MID1: variants seen among roughly 807,000 people sequenced by gnomAD.
MID1 encodes the protein E3 ubiquitin-protein ligase Midline-1.
A neutral mutation model predicts 40.4 loss-of-function variants in MID1; 7 were observed. That is an observed-to-expected ratio of 0.17 (90% CI 0.10 to 0.33). The LOEUF (loss-of-function observed/expected upper bound fraction) is 0.33, where lower values mean the gene tolerates loss of function less well. Among genes scored for constraint, MID1 ranks in the 10% least tolerant of loss-of-function variants. The pLI is 1.00. For missense variants in MID1, 367 were observed against 558.5 expected (o/e 0.66, Z 3.46); for synonymous variants, 229 against 221.2 (o/e 1.04, Z -0.31).
intron 1 of MID1, among the ~76,000 whole-genome samples, chrX:10,810,107 G>A (rs2044086424): frequency 9.0e-6 from 1 of 110,942 alleles, no homozygotes; most frequent in South Asian, 3.8e-4. Context: ...CCATCATTAG[G>A]TACTTCTGGA....
intron 1 of MID1, among the ~76,000 whole-genome samples, chrX:10,685,817 G>A (rs760208110): frequency 1.9e-4 from 21 of 108,462 alleles, no homozygotes; most frequent in Admixed American, 1.0e-3. Flanking sequence ...TGTCTTTTGT[G>A]AGTTGATTTT....
intron 1 of MID1, among the ~76,000 whole-genome samples, chrX:10,783,958 C>T (rs2147134262): frequency 9.0e-6 from 1 of 110,534 alleles, no homozygotes; most frequent in Non-Finnish European, 1.9e-5. Context: ...TTCCCATCAA[C>T]TGGATGAAAA....
chrX:10,707,130 AC>A (rs1254227176), intron 1 of MID1, among the ~76,000 whole-genome samples: 1 of 111,781 alleles, frequency 8.9e-6, no homozygotes, highest in Non-Finnish European at 1.9e-5. Context: ...AATTTACACA[AC>A]AAAAATTTTA....
At chrX:10,747,064 G>A (rs1050560445) in intron 1 of MID1, among the ~76,000 whole-genome samples, 1 of 111,101 alleles carries the variant, frequency 9.0e-6, no homozygotes, top group African/African-American at 3.3e-5. Context: ...CACAGCCAAC[G>A]CTGTTGATAC....
rs1042841097 is a variant in MID1, at chrX:10,446,971, A to C, written c.*2397T>G. ...TAAAGAGAATGCAAAATTACACTGCAGCAAATTTTTACAGCATACATTTTT... is the reference window on the plus strand; with the variant it reads ...TAAAGAGAATGCAAAATTACACTGCCGCAAATTTTTACAGCATACATTTTT... On this transcript the variant is annotated 3_prime_UTR_variant, in exon 10 of 10. Coordinates refer to ENST00000317552, the MANE Select transcript of MID1 (RefSeq NM_000381.4). 2 of 111,939 alleles carry C rather than the reference A, an allele frequency of 1.8e-5. No homozygotes were observed. Among genetic ancestry groups the C allele is most frequent in the African/African-American group, 6.6e-5 (2 of 30,470 alleles). 9.2% of individuals were successfully genotyped at this position (111,939 alleles called of 1,213,427 possible).
At chrX:10,660,485 G>T (rs986929895) in intron 1 of MID1, among the ~76,000 whole-genome samples, 1 of 112,168 alleles carries the variant, frequency 8.9e-6, no homozygotes, top group Non-Finnish European at 1.9e-5. Context: ...TCACTCCCTG[G>T]GTGCTGTGAA....
intron 1 of MID1, among the ~76,000 whole-genome samples, chrX:10,783,315 A>AT (rs956188741): frequency 3.6e-5 from 4 of 111,487 alleles, no homozygotes; most frequent in African/African-American, 1.3e-4. Context: ...AAATTTATCC[A>AT]TTTTTTAATG....
chrX:10,519,785 T>C (rs1932618869), intron 3 of MID1, among the ~76,000 whole-genome samples: 2 of 112,115 alleles, frequency 1.8e-5, no homozygotes, highest in Non-Finnish European at 3.8e-5. Flanking sequence ...TCTGTCTCCC[T>C]GGATATTATC....
rs1555905154 is a variant in MID1, at chrX:10,566,981, G to C, written c.567C>G (p.Thr189=). ...ACAAGGCACAGATTAACTGGTCATC[G>C]GTCACACAGTACATATTCACCTTCT... ...EDEKVNMYCV[T]DDQLICALCK... The change falls in exon 2 of 10, where the codon ACC becomes ACG. Residue 189 remains threonine, a synonymous_variant. Coordinates refer to ENST00000317552, the MANE Select transcript of MID1 (RefSeq NM_000381.4). The C allele has an allele frequency of 1.1e-5, 13 of 1,211,496 alleles. No individual in the cohort carries two copies. The highest frequency in any genetic ancestry group is 5.6e-6 in the Non-Finnish European group (5 of 895,396).
At chrX:10,655,173 G>A (rs1277658502) in intron 1 of MID1, among the ~76,000 whole-genome samples, 1 of 111,462 alleles carries the variant, frequency 9.0e-6, no homozygotes, top group Admixed American at 9.5e-5. Context: ...AAAAATGAAA[G>A]AGAAAACCAA....
chrX:10,516,188 C>CTTTTTT (rs1191096522), intron 3 of MID1, among the ~76,000 whole-genome samples: 19 of 71,462 alleles, frequency 2.7e-4, no homozygotes, highest in African/African-American at 7.3e-4. Flanking sequence ...TGAAGTTGCT[C>CTTTTTT]TTTTTTTTTT....
At chrX:10,534,276 T>G (rs561756574) in intron 2 of MID1, among the ~76,000 whole-genome samples, 7 of 112,172 alleles carry the variant, frequency 6.2e-5, no homozygotes, top group Non-Finnish European at 9.4e-5. Context: ...GGGTTTTAAC[T>G]GATACCATCA....
At chrX:10,649,159 C>A (rs1011994704) in intron 1 of MID1, among the ~76,000 whole-genome samples, 1 of 111,703 alleles carries the variant, frequency 9.0e-6, no homozygotes, top group Non-Finnish European at 1.9e-5. Flanking sequence ...GGCAAATTTT[C>A]TCCATAGAAG....
intron 1 of MID1, among the ~76,000 whole-genome samples, chrX:10,768,522 A>G (rs950810852): frequency 8.9e-6 from 1 of 111,911 alleles, no homozygotes; most frequent in Non-Finnish European, 1.9e-5. Flanking sequence ...CCAAAGTCAC[A>G]TGATTTCTGG....
chrX:10,462,992 G>GA (rs1445448283), intron 7 of MID1, among the ~76,000 whole-genome samples: 3 of 111,888 alleles, frequency 2.7e-5, no homozygotes, highest in Non-Finnish European at 1.9e-5. Context: ...ATTAAGGCTT[G>GA]AAAAAAATGC....
intron 3 of MID1, among the ~76,000 whole-genome samples, chrX:10,517,893 T>C (rs761882360): frequency 1.8e-5 from 2 of 112,274 alleles, no homozygotes; most frequent in Non-Finnish European, 3.8e-5. Flanking sequence ...TTCATGGTAA[T>C]TATGGCTTTC....
intron 3 of MID1, among the ~76,000 whole-genome samples, chrX:10,503,596 A>G: frequency 8.9e-6 from 1 of 112,850 alleles, no homozygotes; most frequent in Non-Finnish European, 1.9e-5. Flanking sequence ...TTTGGTGGGA[A>G]GTAATAGCAG....
chrX:10,506,614 C>T, intron 3 of MID1: 2 of 478,264 alleles, frequency 4.2e-6, no homozygotes, highest in East Asian at 3.7e-5. Flanking sequence ...AAAAAGTTCC[C>T]AGGCCAGGGA....
chrX:10,816,535 A>G (rs930370347), intron 1 of MID1, among the ~76,000 whole-genome samples: 1 of 111,963 alleles, frequency 8.9e-6, no homozygotes, highest in Admixed American at 9.5e-5. Context: ...GTGCACTTAC[A>G]GGTTGGAGAA....
Sources: allele counts gnomAD v4.1 joint callset (sites outside exome capture counted in the v4.1 genomes callset), GRCh38; gene constraint gnomAD v4.1.1; transcripts MANE v1.5; gene names NCBI Gene and HGNC (gene_info 2026-07-23, HGNC 2026-07-21).